The following ZNF804B variants were observed in gnomAD, a reference collection of about 807,000 sequenced individuals.
ZNF804B encodes the protein zinc finger protein 804B, also known as zinc finger 804B.
A neutral mutation model predicts 101.4 loss-of-function variants in ZNF804B; 80 were observed. That is an observed-to-expected ratio of 0.79 (90% CI 0.66 to 0.95). The LOEUF (loss-of-function observed/expected upper bound fraction) is 0.95. Ranked by LOEUF, ZNF804B falls within the 40% of genes least tolerant of loss-of-function variation. The pLI is 0.00. For synonymous variants in ZNF804B, 622 were observed against 558.8 expected, an observed-to-expected ratio of 1.11 and a Z score of -1.59; for missense variants, 1,673 against 1,561.9, an observed-to-expected ratio of 1.07 and a Z score of -1.20.
At chr7:89,294,803 GT>G (rs959903614) in intron 2 of ZNF804B, among the ~76,000 whole-genome samples, 15 of 151,796 alleles carry the variant, frequency 9.9e-5, no homozygotes, top group African/African-American at 3.4e-4. Context: ...AGAATTCCTA[GT>G]TTTACTCTTT....
At chr7:89,072,613 T>TG (rs1789558471) in intron 1 of ZNF804B, among the ~76,000 whole-genome samples, 1 of 151,954 alleles carries the variant, frequency 6.6e-6, no homozygotes. Flanking sequence ...AATAACAGTA[T>TG]GAATAAATAT....
At chr7:89,149,080 C>A (rs77502178) in intron 1 of ZNF804B, among the ~76,000 whole-genome samples, 2,201 of 152,134 alleles carry the variant, frequency 0.014, 53 homozygotes, top group African/African-American at 0.05. Flanking sequence ...AGGTTACCAC[C>A]AAGCTGAAAC....
In ZNF804B at chr7:89,338,215, G is replaced by A. The variant is rs569903923; in HGVS notation, c.*1183G>A. ...AAAATCAAACTTAACAGAAATGGAGGTAATCATTTATCTAATGCTGTCTAT... is the reference window on the plus strand; with the variant it reads ...AAAATCAAACTTAACAGAAATGGAGATAATCATTTATCTAATGCTGTCTAT... On this transcript the variant is annotated 3_prime_UTR_variant, in exon 4 of 4. Coordinates refer to ENST00000333190, the MANE Select transcript of ZNF804B (RefSeq NM_181646.5). 1.2e-4 allele frequency among the ~76,000 whole-genome samples: 18 copies of A among 152,128 alleles called. No individual in the cohort carries two copies. The highest frequency in any genetic ancestry group is 4.1e-4 in the African/African-American group (17 of 41,538).
At chr7:88,953,470 T>C (rs1793255280) in intron 1 of ZNF804B, among the ~76,000 whole-genome samples, 1 of 151,802 alleles carries the variant, frequency 6.6e-6, no homozygotes, top group African/African-American at 2.4e-5. Context: ...GAGGTTTTTA[T>C]TTATGTATTT....
chr7:88,773,655 A>G (rs528590702), intron 1 of ZNF804B, among the ~76,000 whole-genome samples: 1 of 152,256 alleles, frequency 6.6e-6, no homozygotes, highest in African/African-American at 2.4e-5. Flanking sequence ...AAGAAAACAG[A>G]TTTAATTGGC....
intron 1 of ZNF804B, among the ~76,000 whole-genome samples, chr7:88,942,938 CA>C (rs1471295879): frequency 6.6e-6 from 1 of 151,670 alleles, no homozygotes; most frequent in African/African-American, 2.4e-5. Context: ...CATTTAAATG[CA>C]AAAAGGTTTA....
At chr7:88,873,239 C>CA (rs1318716686) in intron 1 of ZNF804B, among the ~76,000 whole-genome samples, 2 of 152,132 alleles carry the variant, frequency 1.3e-5, no homozygotes, top group Admixed American at 1.3e-4. Context: ...AGCATTTTTT[C>CA]ATGTGTTTTT....
At position 88,935,033 on chromosome 7, in the gene ZNF804B, G is replaced by A. The variant is rs760075119; in HGVS notation, c.108+174949G>A. ...AGGTTATATATATAGATATATGTGT[G>A]TGTGTGTATATATATATACACACAC... is the stretch of plus-strand genomic sequence containing the variant. On this transcript the variant is annotated intron_variant, in intron 1 of 3. Coordinates refer to ENST00000333190, the MANE Select transcript of ZNF804B (RefSeq NM_181646.5). Among the ~76,000 whole-genome samples, 12 of 151,468 alleles carry A rather than the reference G, an allele frequency of 7.9e-5. No individual in the cohort carries two copies. The Middle Eastern group carries it at 0.01, about 129-fold the overall frequency.
chr7:89,228,534 CAG>C (rs1191320834), intron 2 of ZNF804B, among the ~76,000 whole-genome samples: 4 of 152,300 alleles, frequency 2.6e-5, no homozygotes, highest in Admixed American at 6.5e-5. Flanking sequence ...TAGCTAGATA[CAG>C]AGTGTCGATT....
chr7:89,080,201 C>T (rs1388415732), intron 1 of ZNF804B, among the ~76,000 whole-genome samples: 2 of 151,326 alleles, frequency 1.3e-5, no homozygotes, highest in Admixed American at 6.6e-5. Flanking sequence ...TTGAAGAAAC[C>T]TCAATCAAAT....
chr7:89,300,256 G>C (rs553433953), intron 2 of ZNF804B, among the ~76,000 whole-genome samples: 1 of 151,546 alleles, frequency 6.6e-6, no homozygotes, highest in East Asian at 1.9e-4. Context: ...AGTTATTTCT[G>C]TCTCATCTCT....
At chr7:88,794,658 G>C in intron 1 of ZNF804B, 1 of 1,613,826 alleles carries the variant, frequency 6.2e-7, no homozygotes, top group Non-Finnish European at 8.5e-7. Context: ...TATGCAGAAT[G>C]GAAGTGGGAT....
intron 2 of ZNF804B, among the ~76,000 whole-genome samples, chr7:89,239,002 TC>T (rs948946260): frequency 1.3e-5 from 2 of 152,184 alleles, no homozygotes; most frequent in Admixed American, 1.3e-4. Flanking sequence ...GATTTTGTCT[TC>T]TGGTGCCACA....
At chr7:89,094,175 G>T (rs995804029) in intron 1 of ZNF804B, among the ~76,000 whole-genome samples, 1 of 152,100 alleles carries the variant, frequency 6.6e-6, no homozygotes, top group Admixed American at 6.6e-5. Context: ...AGGCCATTTA[G>T]GTCACATGTT....
At chr7:89,084,091 G>T (rs1789738018) in intron 1 of ZNF804B, among the ~76,000 whole-genome samples, 1 of 151,918 alleles carries the variant, frequency 6.6e-6, no homozygotes, top group Non-Finnish European at 1.5e-5. Flanking sequence ...AAATCACTCT[G>T]ATCAAAATCT....
chr7:89,300,436 T>A (rs991913511), intron 2 of ZNF804B, among the ~76,000 whole-genome samples: 1 of 151,820 alleles, frequency 6.6e-6, no homozygotes, highest in African/African-American at 2.4e-5. Context: ...TCCTGTGATG[T>A]ACTACTGAGT....
intron 2 of ZNF804B, among the ~76,000 whole-genome samples, chr7:89,262,310 A>G (rs1459099793): frequency 2.0e-5 from 3 of 152,100 alleles, no homozygotes; most frequent in South Asian, 2.1e-4. Flanking sequence ...TTCAATTTCA[A>G]TTATGCCTCT....
At chr7:88,981,956 C>A (rs1212946964) in intron 1 of ZNF804B, among the ~76,000 whole-genome samples, 5 of 151,980 alleles carry the variant, frequency 3.3e-5, no homozygotes, top group Admixed American at 2.6e-4. Flanking sequence ...GTACTCTGCT[C>A]ACCTCATTTT....
rs573916737 is a variant in ZNF804B, at chr7:89,123,064, T to C, written c.109-95091T>C. 1.5e-4 allele frequency among the ~76,000 whole-genome samples: 23 copies of C among 152,096 alleles called. No homozygotes were observed. The South Asian group carries it at 4.2e-3, about 28-fold the overall frequency. ...GGTGTCTATAAAACTTGTCACGGTA[T>C]ACTTGAAAGGTGGATTTGTTTGTCT... On this transcript the variant is annotated intron_variant, in intron 1 of 3. Coordinates refer to ENST00000333190, the MANE Select transcript of ZNF804B (RefSeq NM_181646.5).
Sources: gnomAD v4.1 joint callset for allele counts (sites outside exome capture counted in the v4.1 genomes callset) on GRCh38, gnomAD v4.1.1 for gene constraint, MANE v1.5 for transcripts, NCBI Gene and HGNC (gene_info 2026-07-23, HGNC 2026-07-21) for gene names.